The following MEF2A variants were observed in gnomAD, a reference collection of about 807,000 sequenced individuals.
The protein encoded by MEF2A is myocyte-specific enhancer factor 2A.
MEF2A carries 28 observed loss-of-function variants against 55.8 expected under a neutral mutation model. The ratio of observed to expected loss-of-function variants is 0.50; its 90% CI spans 0.37 to 0.69. The LOEUF (loss-of-function observed/expected upper bound fraction) is 0.69. Ranked by LOEUF, MEF2A falls within the 30% of genes least tolerant of loss-of-function variation. The pLI is 0.00. For synonymous variants in MEF2A, 239 were observed against 227.1 expected (o/e 1.05, Z -0.47); for missense variants, 528 against 626.2 (o/e 0.84, Z 1.67).
intron 2 of MEF2A, among the ~76,000 whole-genome samples, chr15:99,619,414 G>A (rs774921141): frequency 4.6e-5 from 7 of 152,162 alleles, no homozygotes; most frequent in Non-Finnish European, 1.0e-4. Flanking sequence ...CGACCTTGGC[G>A]GGGTGATATT....
At chr15:99,582,738 C>G (rs1401924288) in intron 1 of MEF2A, among the ~76,000 whole-genome samples, 1 of 152,004 alleles carries the variant, frequency 6.6e-6, no homozygotes, top group Non-Finnish European at 1.5e-5. Flanking sequence ...CTCTGCTGGT[C>G]TAGATAAGTA....
At position 99,674,483 on chromosome 15, in the gene MEF2A, C is replaced by G. The variant is rs2051508769; in HGVS notation, c.481C>G (p.Leu161Val). ...ALSYTNPGSS[L>V]VSPSLAASST... The stretch of plus-strand genomic sequence containing the variant: ...GTCCTACACTAACCCAGGGAGTTCA[C>G]TGGTGTCCCCATCTTTGGCAGCCAG... The change falls in exon 6 of 12, where the codon CTG becomes GTG. Residue 161 changes from leucine to valine, a missense_variant. By Grantham distance (32) the Leu-to-Val change is conservative (BLOSUM62 1). This residue lies in a region of MEF2A where 450 missense variants were observed against 475.3 expected (regional missense o/e 0.95). Transcript: ENST00000557942. The G allele has an allele frequency of 6.2e-7, 1 of 1,613,896 alleles. No homozygotes were observed. The highest frequency in any genetic ancestry group is 2.2e-5 in the East Asian group (1 of 44,894).
chr15:99,587,289 T>C (rs1024717612), intron 1 of MEF2A, among the ~76,000 whole-genome samples: 6 of 152,106 alleles, frequency 3.9e-5, no homozygotes, highest in Admixed American at 2.0e-4. Context: ...CTCCCACTTA[T>C]GAGTGAGAAC....
At chr15:99,625,118 G>A (rs1378122194) in intron 2 of MEF2A, among the ~76,000 whole-genome samples, 1 of 152,182 alleles carries the variant, frequency 6.6e-6, no homozygotes, top group Non-Finnish European at 1.5e-5. Context: ...GGTGTATTAA[G>A]TGCATTTTTG....
chr15:99,665,012 A>C (rs1468694267), intron 4 of MEF2A, among the ~76,000 whole-genome samples: 1 of 152,264 alleles, frequency 6.6e-6, no homozygotes, highest in Non-Finnish European at 1.5e-5. Context: ...ATTTATAAAT[A>C]GAAACAAAAG....
chr15:99,675,713 T>A (rs2051854788), intron 7 of MEF2A, among the ~76,000 whole-genome samples: 1 of 152,202 alleles, frequency 6.6e-6, no homozygotes, highest in African/African-American at 2.4e-5. Context: ...ATGGTGGGTC[T>A]ATCTACTTCT....
At chr15:99,697,351 C>CA (rs995287704) in intron 8 of MEF2A, among the ~76,000 whole-genome samples, 50 of 151,446 alleles carry the variant, frequency 3.3e-4, no homozygotes, top group African/African-American at 9.5e-4. Context: ...AAAGAAATTA[C>CA]AAAAAAAACT....
intron 2 of MEF2A, among the ~76,000 whole-genome samples, chr15:99,631,025 C>T (rs542573640): frequency 1.3e-5 from 2 of 152,236 alleles, no homozygotes; most frequent in South Asian, 4.1e-4. Flanking sequence ...TGCAGATTCT[C>T]TAGTTTTGAA....
intron 4 of MEF2A, among the ~76,000 whole-genome samples, chr15:99,654,003 T>C (rs1596833791): frequency 1.3e-5 from 2 of 152,224 alleles, no homozygotes; most frequent in East Asian, 3.9e-4. Flanking sequence ...TTCAAGACAT[T>C]AGCTTGCTTT....
At chr15:99,653,398 G>C (rs969634058) in intron 4 of MEF2A, among the ~76,000 whole-genome samples, 5 of 152,158 alleles carry the variant, frequency 3.3e-5, no homozygotes, top group Non-Finnish European at 7.4e-5. Context: ...TTCTTGCATA[G>C]ATTAGTCATA....
At chr15:99,666,605 A>AATAAT (rs2049806221) in intron 4 of MEF2A, among the ~76,000 whole-genome samples, 1 of 149,062 alleles carries the variant, frequency 6.7e-6, no homozygotes, top group African/African-American at 2.4e-5. Context: ...TAATAATAAT[A>AATAAT]ATAATAAAAA....
intron 8 of MEF2A, among the ~76,000 whole-genome samples, chr15:99,699,128 A>C (rs1325179853): frequency 6.6e-6 from 1 of 152,180 alleles, no homozygotes; most frequent in Admixed American, 6.5e-5. Flanking sequence ...TACGCACATG[A>C]ATTGAAAACT....
intron 7 of MEF2A, among the ~76,000 whole-genome samples, chr15:99,686,368 T>G (rs2153698365): frequency 6.6e-6 from 1 of 152,336 alleles, no homozygotes; most frequent in African/African-American, 2.4e-5. Context: ...AGGTTTTGTT[T>G]CAAGATTTAG....
At chr15:99,695,360 T>G (rs2056276661) in intron 8 of MEF2A, among the ~76,000 whole-genome samples, 1 of 152,124 alleles carries the variant, frequency 6.6e-6, no homozygotes, top group African/African-American at 2.4e-5. Context: ...AAGAAAATTT[T>G]AAAGAAGTAT....
intron 2 of MEF2A, among the ~76,000 whole-genome samples, chr15:99,623,628 C>G (rs1202244771): frequency 6.6e-6 from 1 of 152,162 alleles, no homozygotes; most frequent in Non-Finnish European, 1.5e-5. Context: ...TTTTGACTTG[C>G]ATTTCCTAAT....
intron 8 of MEF2A, among the ~76,000 whole-genome samples, chr15:99,697,288 A>T (rs1439614340): frequency 1.3e-5 from 2 of 152,086 alleles, no homozygotes; most frequent in Non-Finnish European, 2.9e-5. Context: ...GGGAAGAGAG[A>T]AATTAAACTT....
chr15:99,687,636 C>T (rs548642622), intron 7 of MEF2A, among the ~76,000 whole-genome samples: 1 of 152,310 alleles, frequency 6.6e-6, no homozygotes, highest in East Asian at 1.9e-4. Context: ...TTTCAGACTG[C>T]TCAGTAGTTA....
intron 3 of MEF2A, among the ~76,000 whole-genome samples, chr15:99,635,969 G>A (rs1269390293): frequency 6.6e-6 from 1 of 152,164 alleles, no homozygotes. Flanking sequence ...CATTTGGTTA[G>A]TAGTTGACGG....
chr15:99,687,602 CTCTTT>C (rs1444251170), intron 7 of MEF2A, among the ~76,000 whole-genome samples: 1 of 152,234 alleles, frequency 6.6e-6, no homozygotes, highest in Non-Finnish European at 1.5e-5. Flanking sequence ...TGCCTGCCTT[CTCTTT>C]TCTTCTGTTC....
Sources: allele counts gnomAD v4.1 joint callset (sites outside exome capture counted in the v4.1 genomes callset), GRCh38; gene constraint gnomAD v4.1.1; regional missense constraint gnomAD v4.1.1; transcripts MANE v1.5; gene names NCBI Gene and HGNC (gene_info 2026-07-23, HGNC 2026-07-21).